The following ZNF518A variants were observed in gnomAD, a reference collection of about 807,000 sequenced individuals.
The protein encoded by ZNF518A is zinc finger protein 518.
ZNF518A carries 47 observed loss-of-function variants against 102.7 expected under a neutral mutation model. That is an observed-to-expected ratio of 0.46 (90% CI 0.36 to 0.58). The LOEUF (loss-of-function observed/expected upper bound fraction) is 0.58. ZNF518A is among the 20% of genes least tolerant of loss of function. ZNF518A has a pLI of 0.00. For missense variants in ZNF518A, 1,793 were observed against 1,699.8 expected (o/e 1.05, Z -0.96); for synonymous variants, 652 against 594.6 (o/e 1.10, Z -1.40).
At chr10:96,148,460 C>T (rs921020584) in intron 3 of ZNF518A, among the ~76,000 whole-genome samples, 1 of 152,152 alleles carries the variant, frequency 6.6e-6, no homozygotes, top group East Asian at 1.9e-4. Flanking sequence ...AATGTTTTGT[C>T]TTAGTACATA....
rs1461132209 is a variant in ZNF518A at position 96,157,549 on chromosome 10, C to T, written c.1227C>T (p.Asn409=). The T allele has an allele frequency of 6.2e-6, 10 of 1,613,636 alleles. No individual in the cohort carries two copies. Among genetic ancestry groups the T allele is most frequent in the Middle Eastern group, 1.6e-4 (1 of 6,084 alleles). The change falls in exon 6 of 6, where the codon AAC becomes AAT. Residue 409 remains asparagine, a synonymous_variant. Coordinates refer to ENST00000316045, the MANE Select transcript of ZNF518A (RefSeq NM_001330736.2). Reference sequence around the variant, plus strand: ...GTAATAGAGCTGAAGAGGGACCAAACGCTAGTTCAGGTTTCATGAAGACTG... The same window carrying T: ...GTAATAGAGCTGAAGAGGGACCAAATGCTAGTTCAGGTTTCATGAAGACTG... ...GQGNRAEEGP[N]ASSGFMKTAV...
At chr10:96,192,759 TA>T in intron 1 of ZNF518A, among the ~76,000 whole-genome samples, 1 of 152,238 alleles carries the variant, frequency 6.6e-6, no homozygotes, top group African/African-American at 2.4e-5. Flanking sequence ...TTCTGAAAAA[TA>T]ATTAAAGTTT....
intron 1 of ZNF518A, among the ~76,000 whole-genome samples, chr10:96,170,817 G>A (rs1396951918): frequency 6.6e-6 from 1 of 152,154 alleles, no homozygotes. Context: ...GGGAAGAAAT[G>A]TTGTATATCA....
chr10:96,195,549 A>G (rs1477757855), intron 1 of ZNF518A, among the ~76,000 whole-genome samples: 1 of 152,242 alleles, frequency 6.6e-6, no homozygotes, highest in African/African-American at 2.4e-5. Context: ...TAAGTTAAAT[A>G]AGCTGGTCCT....
Position 96,159,090 on chromosome 10 carries a change from A to C in ZNF518A, c.2768A>C (p.Asn923Thr). The C allele has an allele frequency of 6.2e-7, 1 of 1,612,032 alleles. No individual in the cohort carries two copies. The highest frequency in any genetic ancestry group is 8.5e-7 in the Non-Finnish European group (1 of 1,179,364). Residue 923 changes from asparagine to threonine, a missense_variant, in exon 6 of 6, where the codon AAT becomes ACT. Asn to Thr is a moderately conservative substitution (Grantham distance 65, BLOSUM62 0). Around this residue, in one of 3 missense-constraint regions of ZNF518A, gnomAD observed 1,741 missense variants for 1,622.6 expected, o/e 1.07. Transcript: ENST00000316045. ...TTTTATATGCAGAGTCCACTTTTAA[A>C]TTCAGAACAAAAAAAAACTATAATT... Reference protein sequence around the residue: ...GSFYMQSPLLNSEQKKTIIVQ... With the variant: ...GSFYMQSPLLTSEQKKTIIVQ...
intron 1 of ZNF518A, among the ~76,000 whole-genome samples, chr10:96,180,166 C>T (rs1403993185): frequency 6.8e-6 from 1 of 146,424 alleles, no homozygotes; most frequent in Non-Finnish European, 1.5e-5. Flanking sequence ...AGGCATGAAC[C>T]ACAGCTCCAG....
At chr10:96,150,788 T>C (rs7081994) in intron 3 of ZNF518A, among the ~76,000 whole-genome samples, 91,354 of 108,502 alleles carry the variant, frequency 0.84, 39,377 homozygotes, top group Non-Finnish European at 0.93. Flanking sequence ...ACTCTGTCAC[T>C]CAGCCTGGAG....
At chr10:96,175,482 G>A (rs2083197645) in intron 1 of ZNF518A, among the ~76,000 whole-genome samples, 1 of 152,136 alleles carries the variant, frequency 6.6e-6, no homozygotes, top group Admixed American at 6.5e-5. Context: ...CGTGGAGTTT[G>A]GAATGCAAGA....
downstream of ZNF518A, among the ~76,000 whole-genome samples, chr10:96,166,155 T>C (rs1554890309): frequency 6.6e-6 from 1 of 152,094 alleles, no homozygotes; most frequent in African/African-American, 2.4e-5. Context: ...AGAATTAGCT[T>C]TTTCTCTTTT....
rs1390904681 is a variant in ZNF518A at position 96,162,152 on chromosome 10, A to C, written c.*1378A>C. ...TCAGGGCTTCTTTTCTGTATATAAC[A>C]AATTAAGTCTGTACATATTTTTGTA... is the stretch of plus-strand genomic sequence containing the variant. On this transcript the variant is annotated 3_prime_UTR_variant, in exon 6 of 6. Coordinates refer to ENST00000316045, the MANE Select transcript of ZNF518A (RefSeq NM_001330736.2). 1.8e-5 allele frequency: 3 copies of C among 166,702 alleles called. No individual in the cohort carries two copies. Among genetic ancestry groups the C allele is most frequent in the African/African-American group, 7.2e-5 (3 of 41,440 alleles). The allele number at this position is 166,702 out of a possible 1,614,324, so 10.3% of individuals were successfully genotyped here.
rs2082723450 is a variant in ZNF518A at position 96,156,961 on chromosome 10, G to C, written c.639G>C (p.Lys213Asn). The C allele has an allele frequency of 1.2e-6, 2 of 1,613,734 alleles. No individual in the cohort carries two copies. The highest frequency in any genetic ancestry group is 1.7e-6 in the Non-Finnish European group (2 of 1,179,808). Residue 213 changes from lysine to asparagine, a missense_variant, in exon 6 of 6, where the codon AAG (lysine) becomes AAC (asparagine). Physicochemically the swap from Lys to Asn is moderately conservative, Grantham distance 94. This residue lies in a region of ZNF518A where 1,741 missense variants were observed against 1,622.6 expected (regional missense o/e 1.07). Coordinates refer to ENST00000316045, the MANE Select transcript of ZNF518A (RefSeq NM_001330736.2). ...GTAATTTTCAATGTGAAAAGTGTAA[G>C]TTCTCCACCCAGGATGTTGGCACAT... is the stretch of plus-strand genomic sequence containing the variant. ...VNGNFQCEKC[K>N]FSTQDVGTFV...
In ZNF518A at chr10:96,200,797, C is replaced by G. The variant is rs1313225068; in HGVS notation, n.36-2777C>G. Among the ~76,000 whole-genome samples, 1 of 152,138 alleles carries G rather than the reference C, an allele frequency of 6.6e-6. No individual in the cohort carries two copies. Among genetic ancestry groups the G allele is most frequent in the Non-Finnish European group, 1.5e-5 (1 of 68,016 alleles). On this transcript the variant is annotated intron_variant and non_coding_transcript_variant, in intron 1 of 2. Coordinates refer to the ZNF518A transcript ENST00000442635. The surrounding 1 kb of genome is among the most constrained non-coding windows in gnomAD (Gnocchi z 4.3). ...GAGGAAACATTAACTGGAGCAATGT[C>G]TTAGTCATTGAAAAAAAACAACAAC...
At chr10:96,198,847 C>T (rs938062682) in intron 1 of ZNF518A, among the ~76,000 whole-genome samples, 2 of 152,114 alleles carry the variant, frequency 1.3e-5, no homozygotes, top group African/African-American at 2.4e-5. Flanking sequence ...TATAGGCGCC[C>T]GCCATCACGC....
intron 1 of ZNF518A, among the ~76,000 whole-genome samples, chr10:96,197,913 CAA>C (rs587730449): frequency 3.1e-5 from 4 of 128,312 alleles, no homozygotes; most frequent in African/African-American, 3.0e-5. Context: ...GAGACAACAT[CAA>C]AAAAAAAAAG....
At chr10:96,134,129 C>T (rs2081479923) in intron 3 of ZNF518A, among the ~76,000 whole-genome samples, 1 of 152,176 alleles carries the variant, frequency 6.6e-6, no homozygotes, top group African/African-American at 2.4e-5. Flanking sequence ...ATCACTGGAA[C>T]ATTTTGGATT....
chr10:96,135,294 G>A (rs2081543239), intron 3 of ZNF518A: 1 of 152,220 alleles, frequency 6.6e-6, no homozygotes, highest in African/African-American at 2.4e-5. Flanking sequence ...AACATGGTAA[G>A]TGGTACCTAC....
chr10:96,190,249 G>A, intron 1 of ZNF518A: 1 of 733,250 alleles, frequency 1.4e-6, no homozygotes, highest in Non-Finnish European at 2.5e-6. Flanking sequence ...AGGTGGGAGA[G>A]AAAGCAGACG....
chr10:96,192,389 T>C (rs1249090633), intron 1 of ZNF518A, among the ~76,000 whole-genome samples: 1 of 152,174 alleles, frequency 6.6e-6, no homozygotes, highest in Non-Finnish European at 1.5e-5. Context: ...TATTTACCGT[T>C]AAATGTAAAA....
downstream of ZNF518A, among the ~76,000 whole-genome samples, chr10:96,165,409 T>A (rs587753591): frequency 5.9e-5 from 8 of 136,572 alleles, no homozygotes; most frequent in African/African-American, 2.2e-4. Flanking sequence ...GCCCAGCCAG[T>A]AAGACCCGTC....
Sources: allele counts gnomAD v4.1 joint callset (sites outside exome capture counted in the v4.1 genomes callset), GRCh38; gene constraint gnomAD v4.1.1; regional missense constraint gnomAD v4.1.1; non-coding constraint Gnocchi (gnomAD v3.1); transcripts MANE v1.5; gene names NCBI Gene and HGNC (gene_info 2026-07-23, HGNC 2026-07-21).